Variants in MTHFD1L observed in about 807,000 individuals in gnomAD.
The protein encoded by MTHFD1L is methylenetetrahydrofolate dehydrogenase (NADP+ dependent) 1 like.
In MTHFD1L, 81 loss-of-function variants were observed where a neutral mutation model predicts 119.5. That is an observed-to-expected ratio of 0.68 (90% CI 0.57 to 0.82). The LOEUF is 0.82. Among genes scored for constraint, MTHFD1L ranks in the 40% least tolerant of loss-of-function variants. The pLI is 0.00. For synonymous variants in MTHFD1L, 430 were observed against 475.2 expected, an observed-to-expected ratio of 0.90 and a Z score of 1.24; for missense variants, 1,125 against 1,253.4, an observed-to-expected ratio of 0.90 and a Z score of 1.55.
At chr6:150,956,511 T>G (rs977317784) in intron 17 of MTHFD1L, among the ~76,000 whole-genome samples, 2 of 152,172 alleles carry the variant, frequency 1.3e-5, no homozygotes, top group Non-Finnish European at 2.9e-5. Context: ...GGATAATGGC[T>G]TATTAATACA....
chr6:151,030,511 T>A (rs747714811), intron 24 of MTHFD1L, among the ~76,000 whole-genome samples: 7 of 152,238 alleles, frequency 4.6e-5, no homozygotes, highest in Non-Finnish European at 1.0e-4. Context: ...AAAAAGGTTG[T>A]TCCTTGCCAG....
rs117097155 is a variant in MTHFD1L, at chr6:150,884,687, C to G, written c.543-947C>G. On this transcript the variant is annotated intron_variant, in intron 5 of 27. Transcript: ENST00000367321. The stretch of plus-strand genomic sequence containing the variant: ...AAAAGGAGAAATTACGAAAATGGTT[C>G]TAAATGTCTCCATTCTGTTACTGAG... Among the ~76,000 whole-genome samples, 731 of 152,244 alleles carry G rather than the reference C, an allele frequency of 4.8e-3. 2 individuals are homozygous for G. Among genetic ancestry groups the G allele is most frequent in the Middle Eastern group, 0.01 (3 of 294 alleles).
At chr6:150,995,864 T>C (rs539204190) in intron 20 of MTHFD1L, among the ~76,000 whole-genome samples, 166 of 152,276 alleles carry the variant, frequency 1.1e-3, no homozygotes, top group Non-Finnish European at 1.7e-3. Flanking sequence ...GGTTTCACCA[T>C]GTTGGCCAGG....
chr6:150,973,364 C>G (rs999349860), intron 20 of MTHFD1L, among the ~76,000 whole-genome samples: 1 of 152,218 alleles, frequency 6.6e-6, no homozygotes, highest in African/African-American at 2.4e-5. Context: ...TTTTCTGCAG[C>G]TCTCATGTAC....
intron 26 of MTHFD1L, among the ~76,000 whole-genome samples, chr6:151,045,952 A>G (rs575239732): frequency 6.6e-6 from 1 of 152,314 alleles, no homozygotes; most frequent in East Asian, 1.9e-4. Flanking sequence ...AGGAGGAAGG[A>G]AAGTAACCAG....
At chr6:150,961,933 A>G (rs947046720) in intron 18 of MTHFD1L, among the ~76,000 whole-genome samples, 1 of 152,204 alleles carries the variant, frequency 6.6e-6, no homozygotes, top group Admixed American at 6.5e-5. Flanking sequence ...TGTCAGGAAC[A>G]GTTTTAAAAC....
chr6:151,085,322 G>T (rs560973044), intron 26 of MTHFD1L, among the ~76,000 whole-genome samples: 60 of 152,224 alleles, frequency 3.9e-4, no homozygotes, highest in African/African-American at 1.3e-3. Flanking sequence ...CAAGGCCACT[G>T]AAATAATTGG....
At chr6:151,059,959 C>G (rs1790433541) in intron 26 of MTHFD1L, among the ~76,000 whole-genome samples, 1 of 152,076 alleles carries the variant, frequency 6.6e-6, no homozygotes, top group Non-Finnish European at 1.5e-5. Flanking sequence ...GAGACTTGAG[C>G]AAGGATATTG....
chr6:150,939,344 TAA>T (rs1174057032), intron 13 of MTHFD1L: 1 of 152,288 alleles, frequency 6.6e-6, no homozygotes, highest in Non-Finnish European at 1.5e-5. Context: ...GACCCCAAAA[TAA>T]AAGAGTTCCA....
chr6:151,101,107 C>T lies in MTHFD1L; in HGVS notation c.*32-419C>T, dbSNP rs62443361. On this transcript the variant is annotated intron_variant, in intron 27 of 27. Coordinates refer to ENST00000367321, the MANE Select transcript of MTHFD1L (RefSeq NM_015440.5). Reference sequence around the variant, plus strand: ...CCGGGAGACGGAGGTTGCAGTGAGCCGAGATCTCGCCACTACACTCCAGCC... The same window carrying T: ...CCGGGAGACGGAGGTTGCAGTGAGCTGAGATCTCGCCACTACACTCCAGCC... Among the ~76,000 whole-genome samples the T allele has an allele frequency of 8.2e-3, 1,245 of 151,888 alleles. 11 individuals are homozygous for T. The highest frequency in any genetic ancestry group is 0.028 in the African/African-American group (1,174 of 41,384).
chr6:151,025,368 G>A (rs941773352), intron 24 of MTHFD1L, among the ~76,000 whole-genome samples: 23 of 152,300 alleles, frequency 1.5e-4, no homozygotes, highest in African/African-American at 5.3e-4. Flanking sequence ...AGCCGCTCCC[G>A]GGACTCCAGT....
intron 8 of MTHFD1L, among the ~76,000 whole-genome samples, chr6:150,913,327 G>GC (rs1188717938): frequency 1.3e-5 from 2 of 148,950 alleles, no homozygotes; most frequent in Admixed American, 1.3e-4. Context: ...CGCCCGGCTA[G>GC]TTTTTTTTTT....
intron 26 of MTHFD1L, among the ~76,000 whole-genome samples, chr6:151,042,398 C>A (rs1194800237): frequency 6.6e-6 from 1 of 152,098 alleles, no homozygotes; most frequent in African/African-American, 2.4e-5. Flanking sequence ...TAATACAAAT[C>A]TTTGATATGG....
At chr6:150,964,019 A>AG (rs1371250347) in intron 18 of MTHFD1L, among the ~76,000 whole-genome samples, 1 of 152,184 alleles carries the variant, frequency 6.6e-6, no homozygotes, top group Non-Finnish European at 1.5e-5. Context: ...TACAAAAAAA[A>AG]TTAGCCGTGT....
chr6:150,974,109 A>T lies in MTHFD1L; in HGVS notation c.2125+2051A>T, dbSNP rs76709838. Among the ~76,000 whole-genome samples the T allele has an allele frequency of 1.9e-3, 294 of 152,320 alleles. 1 individual carries two copies. Among genetic ancestry groups the T allele is most frequent in the African/African-American group, 6.8e-3 (283 of 41,562 alleles). On this transcript the variant is annotated intron_variant, in intron 20 of 27. Transcript: ENST00000367321. ...GTTCAAAGGGCAAGCCCTAAGTCAG[A>T]GGTTTTACCTCAACTGCTTTCAAGT...
intron 10 of MTHFD1L, among the ~76,000 whole-genome samples, chr6:150,925,470 C>T (rs1789776743): frequency 6.6e-6 from 1 of 152,042 alleles, no homozygotes; most frequent in Non-Finnish European, 1.5e-5. Context: ...AGTTACGTGC[C>T]CAATGACTCT....
At chr6:150,985,809 G>A (rs558945029) in intron 20 of MTHFD1L, among the ~76,000 whole-genome samples, 3 of 152,244 alleles carry the variant, frequency 2.0e-5, no homozygotes, top group Non-Finnish European at 4.4e-5. Context: ...CTGGTGCCTC[G>A]TGCCATTTCC....
intron 8 of MTHFD1L, 59 bp from the exon 9 acceptor site, chr6:150,918,518 C>T: frequency 8.6e-7 from 1 of 1,157,130 alleles, no homozygotes; most frequent in Non-Finnish European, 1.3e-6. Context: ...TTACAAGGAG[C>T]AATTGGTTAG....
At chr6:150,914,532 C>T (rs983484559) in intron 8 of MTHFD1L, among the ~76,000 whole-genome samples, 1 of 150,874 alleles carries the variant, frequency 6.6e-6, no homozygotes, top group Admixed American at 6.6e-5. Flanking sequence ...GGTGGCACAC[C>T]CTTGCAATCC....
Sources: allele counts gnomAD v4.1 joint callset (sites outside exome capture counted in the v4.1 genomes callset), GRCh38; gene constraint gnomAD v4.1.1; transcripts MANE v1.5; gene names NCBI Gene and HGNC (gene_info 2026-07-23, HGNC 2026-07-21).